The following WDPCP variants were observed in gnomAD, a reference collection of about 807,000 sequenced individuals.
The protein encoded by WDPCP is WD repeat-containing and planar cell polarity effector protein fritz homolog.
In WDPCP, 71 loss-of-function variants were observed where a neutral mutation model predicts 93.1. The ratio of observed to expected loss-of-function variants is 0.76; its 90% CI spans 0.63 to 0.93. The LOEUF (loss-of-function observed/expected upper bound fraction) is 0.93, where lower values mean the gene tolerates loss of function less well. Ranked by LOEUF, WDPCP falls within the 40% of genes least tolerant of loss-of-function variation. The probability of loss-of-function intolerance (pLI) is 0.00; values close to 1 mark genes in which losing one functional copy is unlikely to be tolerated. For synonymous variants in WDPCP, 315 were observed against 315.0 expected, an observed-to-expected ratio of 1.00 and a Z score of 0.00; for missense variants, 844 against 887.4, an observed-to-expected ratio of 0.95 and a Z score of 0.62.
At chr2:63,346,120 C>A (rs1393331920) in intron 12 of WDPCP, among the ~76,000 whole-genome samples, 2 of 152,260 alleles carry the variant, frequency 1.3e-5, no homozygotes, top group South Asian at 4.2e-4. Context: ...CAGGATTTAA[C>A]ACCTTACTGA....
At chr2:63,161,697 G>A (rs900567136) in intron 15 of WDPCP, among the ~76,000 whole-genome samples, 1 of 151,694 alleles carries the variant, frequency 6.6e-6, no homozygotes, top group African/African-American at 2.4e-5. Flanking sequence ...AAAATATATA[G>A]ATAAGCTTAT....
intron 10 of WDPCP, among the ~76,000 whole-genome samples, chr2:63,395,840 G>A (rs569580250): frequency 9.1e-4 from 138 of 152,194 alleles, no homozygotes; most frequent in Admixed American, 1.5e-3. Context: ...CGGTTCTCCT[G>A]TCTCAGCCTT....
intron 2 of WDPCP, among the ~76,000 whole-genome samples, chr2:63,781,550 C>T (rs1670392341): frequency 6.6e-6 from 1 of 152,092 alleles, no homozygotes; most frequent in Non-Finnish European, 1.5e-5. Flanking sequence ...ATGCTAGATT[C>T]TAGGAAAACA....
chr2:63,579,333 G>C (rs1162014759), intron 1 of WDPCP, among the ~76,000 whole-genome samples: 1 of 152,156 alleles, frequency 6.6e-6, no homozygotes, highest in Non-Finnish European at 1.5e-5. Flanking sequence ...CAACTGGTTG[G>C]GCACAGTGGT....
At chr2:63,442,151 A>T (rs1697542777) in intron 6 of WDPCP, 1 of 152,114 alleles carries the variant, frequency 6.6e-6, no homozygotes, top group Non-Finnish European at 1.5e-5. Flanking sequence ...AAGGATAATA[A>T]CACAGTGGTT....
At chr2:63,700,707 C>A (rs1669035517) in intron 2 of WDPCP, among the ~76,000 whole-genome samples, 1 of 152,204 alleles carries the variant, frequency 6.6e-6, no homozygotes, top group South Asian at 2.1e-4. Flanking sequence ...AGAACCCTGA[C>A]ATAAATCCAT....
At chr2:63,682,935 A>G (rs1668740377) in intron 2 of WDPCP, among the ~76,000 whole-genome samples, 1 of 152,208 alleles carries the variant, frequency 6.6e-6, no homozygotes, top group African/African-American at 2.4e-5. Context: ...AAACAACAAA[A>G]GTTAAAAAGC....
chr2:63,580,286 TAATC>T (rs1345445764), intron 1 of WDPCP, among the ~76,000 whole-genome samples: 5 of 152,050 alleles, frequency 3.3e-5, no homozygotes, highest in African/African-American at 7.2e-5. Context: ...CAGGCAAAAA[TAATC>T]AATAAGTGCT....
intron 10 of WDPCP, among the ~76,000 whole-genome samples, chr2:63,400,252 T>C (rs1694044655): frequency 6.6e-6 from 1 of 152,186 alleles, no homozygotes; most frequent in Admixed American, 6.5e-5. Flanking sequence ...TAACATTTTA[T>C]TTTAAAGTCT....
intron 13 of WDPCP, among the ~76,000 whole-genome samples, chr2:63,266,245 C>G (rs186589387): frequency 6.6e-6 from 1 of 151,940 alleles, no homozygotes; most frequent in Non-Finnish European, 1.5e-5. Flanking sequence ...ATCTTACATA[C>G]AGAAAAAACA....
chr2:63,766,993 C>G (rs911283141), intron 2 of WDPCP, among the ~76,000 whole-genome samples: 3 of 152,004 alleles, frequency 2.0e-5, no homozygotes, highest in Admixed American at 6.6e-5. Context: ...TTTAATGCCA[C>G]CTTCTTGCCC....
chr2:63,782,503 G>A (rs1575771859), intron 2 of WDPCP, among the ~76,000 whole-genome samples: 1 of 152,034 alleles, frequency 6.6e-6, no homozygotes, highest in African/African-American at 2.4e-5. Context: ...GTGGGCAAAG[G>A]CCAAGAATAG....
chr2:63,152,837 A>G, intron 17 of WDPCP, 77 bp downstream of exon 17: 1 of 1,379,876 alleles, frequency 7.2e-7, no homozygotes, highest in Non-Finnish European at 1.0e-6. Context: ...GCATTTCTTG[A>G]GTTCAAAATA....
At chr2:63,688,823 T>C (rs776010950) in intron 2 of WDPCP, among the ~76,000 whole-genome samples, 1 of 152,136 alleles carries the variant, frequency 6.6e-6, no homozygotes, top group Non-Finnish European at 1.5e-5. Flanking sequence ...GCCAATATAA[T>C]GATGTTGGGA....
intron 1 of WDPCP, among the ~76,000 whole-genome samples, chr2:63,578,660 C>T (rs1708277382): frequency 6.6e-6 from 1 of 152,252 alleles, no homozygotes. Context: ...CAATCTACCT[C>T]TGTCTCTCTA....
chr2:63,134,035 G>A (rs1462983029), intron 17 of WDPCP, among the ~76,000 whole-genome samples: 1 of 152,150 alleles, frequency 6.6e-6, no homozygotes, highest in Non-Finnish European at 1.5e-5. Context: ...AAGCTTCTTA[G>A]TCACATTTTG....
intron 1 of WDPCP, among the ~76,000 whole-genome samples, chr2:63,530,255 T>A (rs1199931284): frequency 6.6e-6 from 1 of 152,198 alleles, no homozygotes; most frequent in Non-Finnish European, 1.5e-5. Context: ...TGTGAATGTG[T>A]TTGCTCTTGC....
At chr2:63,287,559 T>G (rs1030209551) in intron 13 of WDPCP, among the ~76,000 whole-genome samples, 6 of 152,198 alleles carry the variant, frequency 3.9e-5, no homozygotes, top group Non-Finnish European at 1.5e-5. Context: ...CTCTTGACAT[T>G]TTGGTTTCTG....
intron 14 of WDPCP, among the ~76,000 whole-genome samples, chr2:63,216,724 A>T (rs1677381396): frequency 6.6e-6 from 1 of 150,954 alleles, no homozygotes; most frequent in Non-Finnish European, 1.5e-5. Context: ...AAAAAAAACT[A>T]AAAAAAAATA....
Sources: gnomAD v4.1 joint callset for allele counts (sites outside exome capture counted in the v4.1 genomes callset) on GRCh38, gnomAD v4.1.1 for gene constraint, MANE v1.5 for transcripts, NCBI Gene and HGNC (gene_info 2026-07-23, HGNC 2026-07-21) for gene names.